BLTP1: variants seen among roughly 807,000 people sequenced by gnomAD.
The protein encoded by BLTP1 is fragile site-associated protein.
At chr4:122,225,015 G>A in the BLTP1 span, 1 of 996,830 alleles carries the variant, frequency 1.0e-6, no homozygotes, top group Non-Finnish European at 1.2e-6. Context: ...CTCCATTGTT[G>A]GAAAAATCTT....
chr4:122,259,173 A>G, the BLTP1 span, among the ~76,000 whole-genome samples: 4 of 152,194 alleles, frequency 2.6e-5, no homozygotes, highest in African/African-American at 9.6e-5. Flanking sequence ...TGTGTGATCA[A>G]TAGGTGGTTT....
chr4:122,216,085 G>GTCTGTCTGTCTATCTA, the BLTP1 span, among the ~76,000 whole-genome samples: 24 of 144,510 alleles, frequency 1.7e-4, no homozygotes, highest in African/African-American at 5.6e-4. Flanking sequence ...ATCTTTGTCT[G>GTCTGTCTGTCTATCTA]TCTATCTATC....
At chr4:122,249,145 ATT>A in the BLTP1 span, 2 of 722,260 alleles carry the variant, frequency 2.8e-6, no homozygotes, top group Non-Finnish European at 3.4e-6. Flanking sequence ...AATTAATTGA[ATT>A]TTTTTTTTAT....
chr4:122,257,245 ATTG>A, the BLTP1 span: 3 of 1,612,254 alleles, frequency 1.9e-6, no homozygotes, highest in African/African-American at 2.7e-5. Flanking sequence ...CCACATGATT[ATTG>A]TTACAGAGCG....
chr4:122,166,068 T>A, the BLTP1 span, among the ~76,000 whole-genome samples: 1 of 152,162 alleles, frequency 6.6e-6, no homozygotes. Context: ...GCAGAAGCTC[T>A]TTAGTTTAAT....
chr4:122,221,140 A>C, the BLTP1 span: 1 of 702,004 alleles, frequency 1.4e-6, no homozygotes, highest in East Asian at 1.3e-4. Flanking sequence ...TAAAATTATA[A>C]ATGGGAAGGT....
the BLTP1 span, chr4:122,204,465 A>G: frequency 1.1e-6 from 1 of 889,518 alleles, no homozygotes; most frequent in African/African-American, 1.8e-5. Context: ...ATAATGAGGA[A>G]CTTGAGGCAT....
At chr4:122,343,564 A>G in the BLTP1 span, 2 of 1,614,006 alleles carry the variant, frequency 1.2e-6, no homozygotes, top group South Asian at 2.2e-5. Flanking sequence ...GAGCAGGGAA[A>G]CAAAAAACTG....
chr4:122,268,814 A>C, the BLTP1 span, among the ~76,000 whole-genome samples: 1 of 152,214 alleles, frequency 6.6e-6, no homozygotes, highest in Non-Finnish European at 1.5e-5. Flanking sequence ...TGAAGTGAAC[A>C]ATAGGTATGC....
chr4:122,222,203 G>A, the BLTP1 span, among the ~76,000 whole-genome samples: 7,595 of 152,100 alleles, frequency 0.05, 272 homozygotes, highest in Non-Finnish European at 0.075. Context: ...GTGTTGACAC[G>A]ACTATTCCTA....
At chr4:122,200,088 T>C in the BLTP1 span, 1 of 946,742 alleles carries the variant, frequency 1.1e-6, no homozygotes, top group African/African-American at 1.8e-5. Context: ...AGGTTCTTAA[T>C]TTCTTGTCTT....
the BLTP1 span, chr4:122,256,959 T>C: frequency 9.2e-4 from 154 of 167,206 alleles, no homozygotes; most frequent in African/African-American, 3.5e-3. Flanking sequence ...TGAATGCTTC[T>C]TAAGGAAAAT....
chr4:122,188,929 G>T, the BLTP1 span: 1 of 985,174 alleles, frequency 1.0e-6, no homozygotes, highest in Non-Finnish European at 1.2e-6. Flanking sequence ...TGGCTAGAAT[G>T]ATAGAAAGAG....
the BLTP1 span, chr4:122,187,942 C>T: frequency 6.3e-7 from 1 of 1,591,008 alleles, no homozygotes; most frequent in Non-Finnish European, 8.5e-7. Context: ...CTCTGTGCAT[C>T]AACTTTGATG....
the BLTP1 span, among the ~76,000 whole-genome samples, chr4:122,350,651 T>C: frequency 2.7e-3 from 414 of 152,306 alleles, 3 homozygotes; most frequent in African/African-American, 8.3e-3. Flanking sequence ...TAGAGAATGA[T>C]TAAATGTGAG....
chr4:122,197,349 T>G, the BLTP1 span: 1 of 1,114,002 alleles, frequency 9.0e-7, no homozygotes, highest in Non-Finnish European at 1.2e-6. Context: ...GTTAATCATC[T>G]TAGACTAACA....
the BLTP1 span, chr4:122,356,733 T>G: frequency 1.2e-6 from 2 of 1,611,990 alleles, no homozygotes; most frequent in Admixed American, 1.7e-5. Context: ...TAGTATCAGC[T>G]TATCTTAAAG....
chr4:122,304,688 G>A, the BLTP1 span: 19 of 1,473,484 alleles, frequency 1.3e-5, no homozygotes, highest in South Asian at 2.4e-4. Flanking sequence ...GCCTGTTCAT[G>A]GTTTAAAACA....
At chr4:122,248,270 C>G in the BLTP1 span, 1 of 222,868 alleles carries the variant, frequency 4.5e-6, no homozygotes, top group South Asian at 1.6e-4. Flanking sequence ...CTGTAGTTTG[C>G]GTGGGTAACC....
Sources: allele counts gnomAD v4.1 joint callset (sites outside exome capture counted in the v4.1 genomes callset), GRCh38; gene constraint gnomAD v4.1.1; transcripts MANE v1.5; gene names NCBI Gene and HGNC (gene_info 2026-07-23, HGNC 2026-07-21).